RGS5: variants seen among roughly 807,000 people sequenced by gnomAD.
The protein encoded by RGS5 is regulator of G-protein signalling 5.
RGS5 carries 20 observed loss-of-function variants against 18.9 expected under a neutral mutation model. That is an observed-to-expected ratio of 1.06 (90% CI 0.74 to 1.54). The LOEUF (loss-of-function observed/expected upper bound fraction) is 1.54. RGS5 is among the 40% of genes most tolerant of loss of function. The pLI is 0.00. For synonymous variants in RGS5, 57 were observed against 76.2 expected (o/e 0.75, Z 1.31); for missense variants, 201 against 211.8 (o/e 0.95, Z 0.32).
chr1:163,264,107 G>A (rs181800182), intron 2 of RGS5, among the ~76,000 whole-genome samples: 85 of 152,096 alleles, frequency 5.6e-4, no homozygotes, highest in Non-Finnish European at 1.0e-3. Flanking sequence ...TACCTAATAA[G>A]AGGTCTTAAA....
intron 1 of RGS5, among the ~76,000 whole-genome samples, chr1:163,178,871 T>G (rs1372218906): frequency 2.0e-5 from 3 of 152,214 alleles, no homozygotes; most frequent in African/African-American, 7.2e-5. Flanking sequence ...AACCAGCTGT[T>G]TTGGATAACT....
chr1:163,171,334 C>T (rs190054362), intron 1 of RGS5, among the ~76,000 whole-genome samples: 11 of 152,240 alleles, frequency 7.2e-5, no homozygotes, highest in African/African-American at 2.6e-4. Flanking sequence ...GACACAGTAT[C>T]CCACCCAGTC....
chr1:163,224,748 C>T (rs569907959), intron 2 of RGS5, among the ~76,000 whole-genome samples: 6 of 152,204 alleles, frequency 3.9e-5, no homozygotes, highest in Admixed American at 2.6e-4. Flanking sequence ...TGAAGTGAGG[C>T]GTTATCTCAT....
chr1:163,188,257 G>T (rs568620277), intron 1 of RGS5, among the ~76,000 whole-genome samples: 141 of 152,186 alleles, frequency 9.3e-4, no homozygotes, highest in African/African-American at 3.3e-3. Flanking sequence ...ACAATCCCAC[G>T]GTCATTGTTA....
chr1:163,220,814 G>C (rs78019756), upstream of RGS5, among the ~76,000 whole-genome samples: 3,557 of 152,236 alleles, frequency 0.023, 77 homozygotes, highest in East Asian at 0.055. Context: ...AGCAAGGCAG[G>C]AGGATCAGAA....
chr1:163,244,436 T>C (rs1190154112), intron 2 of RGS5: 1 of 152,212 alleles, frequency 6.6e-6, no homozygotes, highest in Non-Finnish European at 1.5e-5. Flanking sequence ...TCAAACATAT[T>C]GTTCCCAACT....
At chr1:163,294,864 G>T (rs139057952) in intron 2 of RGS5, among the ~76,000 whole-genome samples, 64 of 152,230 alleles carry the variant, frequency 4.2e-4, no homozygotes, top group Non-Finnish European at 2.2e-4. Context: ...TCTTCCTCCA[G>T]ATACCCTAAA....
chr1:163,260,541 G>A (rs1459327343), intron 2 of RGS5: 1 of 151,884 alleles, frequency 6.6e-6, no homozygotes, highest in Non-Finnish European at 1.5e-5. Context: ...ATAAAAAATT[G>A]CATATTAGGT....
intron 2 of RGS5, among the ~76,000 whole-genome samples, chr1:163,286,204 T>C (rs538852394): frequency 2.0e-5 from 3 of 152,296 alleles, no homozygotes; most frequent in African/African-American, 7.2e-5. Context: ...ATTTACATTG[T>C]ATTAGGTGTT....
chr1:163,278,071 T>C (rs1648901774), intron 2 of RGS5, among the ~76,000 whole-genome samples: 1 of 151,444 alleles, frequency 6.6e-6, no homozygotes. Flanking sequence ...AAAGAAGAGA[T>C]GGAAAAGGAC....
chr1:163,315,251 T>A (rs1199376058), intron 1 of RGS5, among the ~76,000 whole-genome samples: 2 of 152,126 alleles, frequency 1.3e-5, no homozygotes, highest in Admixed American at 1.3e-4. Context: ...ATTGAAAATA[T>A]ACAGAATATA....
At position 163,156,999 on chromosome 1, in the gene RGS5, G is replaced by A. The variant is rs944803627; in HGVS notation, c.218-4283C>T. Among the ~76,000 whole-genome samples, 11 of 152,196 alleles carry A rather than the reference G, an allele frequency of 7.2e-5. No homozygotes were observed. In the East Asian group the frequency reaches 1.5e-3, roughly 21 times the overall value. ...GGAAGATGATGACAAAAATGAGCCA[G>A]AAAAGAGAAGGAAGAAAACCAAAGA... is the stretch of plus-strand genomic sequence containing the variant. On this transcript the variant is annotated intron_variant, in intron 3 of 4. Transcript: ENST00000313961.
intron 2 of RGS5, among the ~76,000 whole-genome samples, chr1:163,239,510 C>T (rs1305488674): frequency 6.7e-6 from 1 of 150,048 alleles, no homozygotes; most frequent in Non-Finnish European, 1.5e-5. Context: ...AAAAGGGTTA[C>T]CAAATGGAAA....
intron 1 of RGS5, among the ~76,000 whole-genome samples, chr1:163,180,686 G>GCTTTTTTT (rs1658782132): frequency 1.6e-5 from 1 of 61,964 alleles, no homozygotes; most frequent in Non-Finnish European, 3.0e-5. Context: ...CCCTTACCCT[G>GCTTTTTTT]TTTTTTTTTT....
chr1:163,298,142 G>C (rs2101730035), intron 2 of RGS5, among the ~76,000 whole-genome samples: 1 of 152,196 alleles, frequency 6.6e-6, no homozygotes, highest in South Asian at 2.1e-4. Flanking sequence ...GGGATGGAGG[G>C]AAAACAGGAC....
At chr1:163,182,963 G>C (rs1658919066) in intron 1 of RGS5, among the ~76,000 whole-genome samples, 1 of 125,946 alleles carries the variant, frequency 7.9e-6, no homozygotes, top group Admixed American at 8.7e-5. Flanking sequence ...AAGGAGGGAG[G>C]GAAAGAGGAG....
intron 3 of RGS5, among the ~76,000 whole-genome samples, chr1:163,155,206 T>C (rs965039670): frequency 1.3e-5 from 2 of 152,148 alleles, no homozygotes; most frequent in African/African-American, 2.4e-5. Context: ...GAATCACCCA[T>C]TCTGCATCTT....
chr1:163,204,400 A>C (rs1188607982), upstream of RGS5, among the ~76,000 whole-genome samples: 3 of 152,018 alleles, frequency 2.0e-5, no homozygotes, highest in Admixed American at 6.6e-5. Context: ...CAGAGACTGG[A>C]GTGAAGTGGC....
chr1:163,279,145 A>G (rs930364930), intron 2 of RGS5, among the ~76,000 whole-genome samples: 6 of 152,104 alleles, frequency 3.9e-5, no homozygotes, highest in African/African-American at 1.4e-4. Flanking sequence ...GAAACATTAG[A>G]CTTAAAGTCT....
Sources: allele counts gnomAD v4.1 joint callset (sites outside exome capture counted in the v4.1 genomes callset), GRCh38; gene constraint gnomAD v4.1.1; transcripts MANE v1.5; gene names NCBI Gene and HGNC (gene_info 2026-07-23, HGNC 2026-07-21).